The following GABRB1 variants were observed in gnomAD, a reference collection of about 807,000 sequenced individuals.
GABRB1 encodes the protein gamma-aminobutyric acid receptor subunit beta-1.
Under a neutral mutation model 51.6 loss-of-function variants are expected in GABRB1, and 17 were observed. That is an observed-to-expected ratio of 0.33 (90% CI 0.23 to 0.49). The LOEUF (loss-of-function observed/expected upper bound fraction) is 0.49. Ranked by LOEUF, GABRB1 falls within the 20% of genes least tolerant of loss-of-function variation. GABRB1 has a pLI of 0.99. For synonymous variants in GABRB1, 247 were observed against 218.9 expected (o/e 1.13, Z -1.14); for missense variants, 410 against 600.6 (o/e 0.68, Z 3.32).
chr4:47,394,921 A>G (rs1041068270), intron 5 of GABRB1, among the ~76,000 whole-genome samples: 7 of 152,150 alleles, frequency 4.6e-5, no homozygotes, highest in Non-Finnish European at 7.4e-5. Flanking sequence ...TGGTGCTGGC[A>G]GTTCATTTCC....
intron 4 of GABRB1, among the ~76,000 whole-genome samples, chr4:47,291,426 G>T (rs140092951): frequency 0.022 from 3,411 of 152,194 alleles, 41 homozygotes; most frequent in South Asian, 0.041. Flanking sequence ...ATGTGGTGTC[G>T]GAGCCCCCCG....
intron 3 of GABRB1, among the ~76,000 whole-genome samples, chr4:47,045,874 A>T (rs1560509682): frequency 6.6e-6 from 1 of 152,046 alleles, no homozygotes; most frequent in Non-Finnish European, 1.5e-5. Context: ...TTCAACATTT[A>T]CACTGTAACC....
At chr4:47,408,620 T>C (rs1728655327) in intron 8 of GABRB1, among the ~76,000 whole-genome samples, 1 of 152,140 alleles carries the variant, frequency 6.6e-6, no homozygotes, top group African/African-American at 2.4e-5. Flanking sequence ...GATCTTATTG[T>C]GAAAGAATAT....
At chr4:47,425,432 G>T (rs1488599571) in intron 8 of GABRB1, among the ~76,000 whole-genome samples, 3 of 151,132 alleles carry the variant, frequency 2.0e-5, no homozygotes, top group Non-Finnish European at 4.4e-5. Context: ...TGTTCTGTGA[G>T]TGGAGACAGA....
chr4:47,303,060 A>G (rs1304175277), intron 4 of GABRB1, among the ~76,000 whole-genome samples: 1 of 151,732 alleles, frequency 6.6e-6, no homozygotes, highest in Non-Finnish European at 1.5e-5. Flanking sequence ...TGTTGTTTTT[A>G]GTTTGAGAGG....
intron 4 of GABRB1, among the ~76,000 whole-genome samples, chr4:47,243,577 T>C (rs1480987802): frequency 6.6e-6 from 1 of 152,226 alleles, no homozygotes; most frequent in Non-Finnish European, 1.5e-5. Flanking sequence ...CCATGGTTGG[T>C]AGTTCTCCTT....
rs114540609 is a variant in GABRB1 at position 47,049,091 on chromosome 4, G to A, written c.240+16607G>A. On this transcript the variant is annotated intron_variant, in intron 3 of 8. Coordinates refer to ENST00000295454, the MANE Select transcript of GABRB1 (RefSeq NM_000812.4). ...AAAAAAAAAAAAAACTGTTGCCAGA[G>A]GAGGGAGTTTTTCGGTGCAAATCCA... is the stretch of plus-strand genomic sequence containing the variant. Among the ~76,000 whole-genome samples the A allele has an allele frequency of 7.2e-3, 1,092 of 151,880 alleles. 13 individuals carry two copies. The highest frequency in any genetic ancestry group is 0.025 in the African/African-American group (1,025 of 41,426).
chr4:47,073,273 C>T (rs1037539740), intron 3 of GABRB1, among the ~76,000 whole-genome samples: 2 of 152,130 alleles, frequency 1.3e-5, no homozygotes, highest in Non-Finnish European at 2.9e-5. Context: ...TAGAGCTCTC[C>T]TAATAAAAGT....
intron 1 of GABRB1, among the ~76,000 whole-genome samples, chr4:47,021,345 C>A (rs189781875): frequency 2.0e-5 from 3 of 152,160 alleles, no homozygotes; most frequent in East Asian, 3.9e-4. Context: ...AGGTTATTTT[C>A]CTCAGAGCAC....
At chr4:47,243,544 G>T (rs1228144577) in intron 4 of GABRB1, among the ~76,000 whole-genome samples, 1 of 152,090 alleles carries the variant, frequency 6.6e-6, no homozygotes, top group Non-Finnish European at 1.5e-5. Context: ...CCATTTGTTT[G>T]TGTCCTCTTT....
intron 4 of GABRB1, among the ~76,000 whole-genome samples, chr4:47,246,727 G>T (rs1721775190): frequency 6.6e-6 from 1 of 151,942 alleles, no homozygotes; most frequent in Non-Finnish European, 1.5e-5. Flanking sequence ...CATTCTCAAA[G>T]GAGTAAGGTG....
At chr4:47,025,320 C>A (rs1725057388) in intron 1 of GABRB1, among the ~76,000 whole-genome samples, 1 of 151,850 alleles carries the variant, frequency 6.6e-6, no homozygotes, top group Admixed American at 6.6e-5. Flanking sequence ...GGAATCGCCA[C>A]ACTGTTTTCC....
intron 5 of GABRB1, among the ~76,000 whole-genome samples, chr4:47,366,161 T>C (rs4395474): frequency 0.99 from 150,873 of 152,308 alleles, 74,732 homozygotes; most frequent in East Asian, 1. Context: ...CTCATAAAGC[T>C]ATTGTGCCAT....
At chr4:47,185,681 G>A (rs1471166657) in intron 4 of GABRB1, among the ~76,000 whole-genome samples, 1 of 151,774 alleles carries the variant, frequency 6.6e-6, no homozygotes, top group Non-Finnish European at 1.5e-5. Context: ...TAGTGCTTCA[G>A]TTTCCTCATC....
intron 5 of GABRB1, among the ~76,000 whole-genome samples, chr4:47,320,763 CTTTTTTCTTTTT>C: frequency 8.8e-6 from 1 of 113,324 alleles, no homozygotes; most frequent in East Asian, 2.5e-4. Flanking sequence ...GTTTTCTTTT[CTTTTTTCTTTTT>C]TTTTTTTTTT....
chr4:47,274,279 T>C (rs1722988758), intron 4 of GABRB1, among the ~76,000 whole-genome samples: 1 of 152,180 alleles, frequency 6.6e-6, no homozygotes. Context: ...ACATAAAATG[T>C]TTGACATAGT....
intron 4 of GABRB1, among the ~76,000 whole-genome samples, chr4:47,228,358 G>T (rs934693536): frequency 1.3e-5 from 2 of 151,922 alleles, no homozygotes; most frequent in Non-Finnish European, 2.9e-5. Flanking sequence ...ATTCCAAATG[G>T]AGAAATCAGA....
At position 47,015,832 on chromosome 4, in the gene GABRB1, A is replaced by G. The variant is rs984504975; in HGVS notation, c.-19-16082A>G. On this transcript the variant is annotated intron_variant, in intron 1 of 3. Coordinates refer to the GABRB1 transcript ENST00000513567. ...CATTTTGTTCTTAATTTATTCAAAC[A>G]TATTTTTGAGATCCTACAGCATACC... Among the ~76,000 whole-genome samples the G allele has an allele frequency of 5.9e-5, 9 of 152,344 alleles. No individual in the cohort carries two copies. The South Asian group carries it at 6.2e-4, about 11-fold the overall frequency.
chr4:47,301,226 A>G (rs1724247236), intron 4 of GABRB1, among the ~76,000 whole-genome samples: 1 of 152,182 alleles, frequency 6.6e-6, no homozygotes, highest in Non-Finnish European at 1.5e-5. Context: ...AACATATTTT[A>G]CCTGGCTCTG....
Sources: allele counts gnomAD v4.1 joint callset (sites outside exome capture counted in the v4.1 genomes callset), GRCh38; gene constraint gnomAD v4.1.1; transcripts MANE v1.5; gene names NCBI Gene and HGNC (gene_info 2026-07-23, HGNC 2026-07-21).